Variants in CLCN4 observed in about 807,000 individuals in gnomAD.
The protein encoded by CLCN4 is H(+)/Cl(-) exchange transporter 4.
Under a neutral mutation model 41.7 loss-of-function variants are expected in CLCN4, and 1 was observed. That is an observed-to-expected ratio of 0.02 (90% CI 0.01 to 0.11). The LOEUF (loss-of-function observed/expected upper bound fraction) is 0.11, where lower values mean the gene tolerates loss of function less well. Ranked by LOEUF, CLCN4 falls within the 10% of genes least tolerant of loss-of-function variation. The probability of loss-of-function intolerance (pLI) is 1.00; values close to 1 mark genes in which losing one functional copy is unlikely to be tolerated. For missense variants in CLCN4, 287 were observed against 661.0 expected, an observed-to-expected ratio of 0.43 and a Z score of 6.20; for synonymous variants, 277 against 285.8, an observed-to-expected ratio of 0.97 and a Z score of 0.31.
chrX:10,233,410 A>C, intron 12 of CLCN4, 84 bp from the exon 13 acceptor site: 1 of 680,797 alleles, frequency 1.5e-6, no homozygotes, highest in Non-Finnish European at 2.4e-6. Flanking sequence ...CTGTGTCCAC[A>C]TGGAAAAGGC....
intron 2 of CLCN4, among the ~76,000 whole-genome samples, chrX:10,172,912 G>T (rs1263251078): frequency 8.9e-6 from 1 of 111,935 alleles, no homozygotes; most frequent in Non-Finnish European, 1.9e-5. Flanking sequence ...CTATTAATTT[G>T]TGTTGGATTG....
chrX:10,220,159 C>T (rs1396246617), intron 11 of CLCN4, among the ~76,000 whole-genome samples: 1 of 111,742 alleles, frequency 8.9e-6, no homozygotes, highest in East Asian at 2.8e-4. Context: ...GGGCTGTGAG[C>T]CTGGGCTGGC....
intron 12 of CLCN4, among the ~76,000 whole-genome samples, chrX:10,225,222 A>G (rs1924960789): frequency 8.9e-6 from 1 of 111,775 alleles, no homozygotes; most frequent in African/African-American, 3.3e-5. Context: ...GTGTAAAAGC[A>G]TTCCTGTTTC....
At position 10,234,521 on chromosome X, in the gene CLCN4, A is replaced by G. The variant is rs1353186217; in HGVS notation, c.*937A>G. 1 of 113,191 alleles carries G rather than the reference A, an allele frequency of 8.8e-6. No individual in the cohort carries two copies. Among genetic ancestry groups the G allele is most frequent in the Non-Finnish European group, 1.9e-5 (1 of 53,408 alleles). The allele number at this position is 113,191 out of a possible 1,213,427, so 9.3% of individuals were successfully genotyped here. ...CTTTCATTTTCAAGTAGCATATGCA[A>G]GAGTCCAAACAGGCTACCCAATGTT... On this transcript the variant is annotated 3_prime_UTR_variant, in exon 13 of 13. Transcript: ENST00000380833.
intron 10 of CLCN4, 69 bp from the exon 11 acceptor site, chrX:10,213,612 T>C: frequency 1.0e-6 from 1 of 990,105 alleles, no homozygotes; most frequent in African/African-American, 1.9e-5. Context: ...TCTGTCATTT[T>C]CCCCAAATCA....
In CLCN4 at chrX:10,161,545, C is replaced by T. The variant is rs192765120; in HGVS notation, c.-12+2994C>T. ...CTCGATTGGATTCGGCCCAAACAAA[C>T]GTGTAACAGGCATTTTGGGGATGCC... is the stretch of plus-strand genomic sequence containing the variant. On this transcript the variant is annotated intron_variant, in intron 2 of 12. Coordinates refer to ENST00000380833, the MANE Select transcript of CLCN4 (RefSeq NM_001830.4). Among the ~76,000 whole-genome samples, 199 of 112,248 alleles carry T rather than the reference C, an allele frequency of 1.8e-3. 2 individuals are homozygous for T. The highest frequency in any genetic ancestry group is 0.014 in the Admixed American group (148 of 10,651).
intron 6 of CLCN4, among the ~76,000 whole-genome samples, chrX:10,200,436 GCAT>G (rs1358494858): frequency 8.9e-6 from 1 of 112,559 alleles, no homozygotes; most frequent in Non-Finnish European, 1.9e-5. Context: ...TTTGACTCAA[GCAT>G]TTTGCAAATA....
At chrX:10,189,722 C>T (rs911264738) in intron 4 of CLCN4, among the ~76,000 whole-genome samples, 1 of 112,284 alleles carries the variant, frequency 8.9e-6, no homozygotes, top group African/African-American at 3.2e-5. Flanking sequence ...CCCTCAGTGG[C>T]TGTTGTCTTC....
chrX:10,184,838 G>T (rs1923768719), intron 2 of CLCN4, among the ~76,000 whole-genome samples, 184 bp from the exon 3 acceptor site: 1 of 111,906 alleles, frequency 8.9e-6, no homozygotes, highest in African/African-American at 3.3e-5. Flanking sequence ...AGTGTTTGAG[G>T]TGACTTTATA....
At chrX:10,165,479 G>C (rs1923225114) in intron 2 of CLCN4, among the ~76,000 whole-genome samples, 1 of 111,752 alleles carries the variant, frequency 8.9e-6, no homozygotes, top group Admixed American at 9.4e-5. Context: ...GGGGCGCCCA[G>C]GATGGGTTTG....
chrX:10,183,989 A>G (rs146324807), intron 2 of CLCN4, among the ~76,000 whole-genome samples: 1,582 of 111,911 alleles, frequency 0.014, 12 homozygotes, highest in Non-Finnish European at 0.022. Context: ...ACTCACATAG[A>G]GGGCTCCTGC....
intron 2 of CLCN4, among the ~76,000 whole-genome samples, chrX:10,161,183 C>A (rs1351556585): frequency 9.6e-6 from 1 of 103,848 alleles, no homozygotes; most frequent in East Asian, 3.3e-4. Flanking sequence ...TCTTTCCTGG[C>A]ACCATGAAAA....
At chrX:10,184,865 A>G (rs1301708287) in intron 2 of CLCN4, among the ~76,000 whole-genome samples, 157 bp from the exon 3 acceptor site, 1 of 112,175 alleles carries the variant, frequency 8.9e-6, no homozygotes, top group Non-Finnish European at 1.9e-5. Flanking sequence ...AACCTCCACG[A>G]ATAATGATAA....
At chrX:10,219,969 C>G (rs1470616568) in intron 11 of CLCN4, among the ~76,000 whole-genome samples, 1 of 112,144 alleles carries the variant, frequency 8.9e-6, no homozygotes, top group Non-Finnish European at 1.9e-5. Context: ...TTCACATGGC[C>G]TTTTCTATAG....
intron 2 of CLCN4, among the ~76,000 whole-genome samples, chrX:10,174,122 C>G (rs1483616385): frequency 2.7e-5 from 3 of 112,320 alleles, no homozygotes; most frequent in Admixed American, 9.3e-5. Flanking sequence ...GTGTCTGCCT[C>G]TGGCCTCATT....
At chrX:10,177,834 A>G (rs1923572635) in intron 2 of CLCN4, among the ~76,000 whole-genome samples, 1 of 112,109 alleles carries the variant, frequency 8.9e-6, no homozygotes, top group Non-Finnish European at 1.9e-5. Flanking sequence ...GATGTTCCTA[A>G]CAGCCTTATT....
At chrX:10,196,129 C>A (rs1014435801) in intron 5 of CLCN4, among the ~76,000 whole-genome samples, 3 of 112,094 alleles carry the variant, frequency 2.7e-5, no homozygotes, top group Non-Finnish European at 5.6e-5. Context: ...ACCTTCCTGT[C>A]AGCACTTGTT....
intron 2 of CLCN4, among the ~76,000 whole-genome samples, chrX:10,174,116 C>A (rs1214328182): frequency 8.9e-6 from 1 of 112,306 alleles, no homozygotes; most frequent in Non-Finnish European, 1.9e-5. Flanking sequence ...ACTTTGGTGT[C>A]TGCCTCTGGC....
chrX:10,159,867 T>A, intron 2 of CLCN4, among the ~76,000 whole-genome samples: 1 of 111,423 alleles, frequency 9.0e-6, no homozygotes, highest in Non-Finnish European at 1.9e-5. Context: ...CAGACCTAGA[T>A]TCCACTTTTG....
Sources: gnomAD v4.1 joint callset for allele counts (sites outside exome capture counted in the v4.1 genomes callset) on GRCh38, gnomAD v4.1.1 for gene constraint, MANE v1.5 for transcripts, NCBI Gene and HGNC (gene_info 2026-07-23, HGNC 2026-07-21) for gene names.